WDR49: variants seen among roughly 807,000 people sequenced by gnomAD.
The protein encoded by WDR49 is cilia- and flagella-associated protein 337.
WDR49 carries 107 observed loss-of-function variants against 119.5 expected under a neutral mutation model. That is an observed-to-expected ratio of 0.90 (90% CI 0.77 to 1.05). The LOEUF (loss-of-function observed/expected upper bound fraction) is 1.05, where lower values mean the gene tolerates loss of function less well. WDR49 is among the 50% of genes least tolerant of loss of function. WDR49 has a pLI of 0.00. For synonymous variants in WDR49, 425 were observed against 418.8 expected (o/e 1.01, Z -0.18); for missense variants, 1,240 against 1,220.5 (o/e 1.02, Z -0.24).
At chr3:167,550,792 A>G (rs182094890) in intron 10 of WDR49, among the ~76,000 whole-genome samples, 24 of 148,254 alleles carry the variant, frequency 1.6e-4, no homozygotes, top group African/African-American at 5.7e-4. Context: ...AGAGAGAGAG[A>G]GAGAGAGCTT....
At chr3:167,620,753 A>ATTGTTCTGTTTTTTAGTAT in intron 4 of WDR49, 150 bp from the exon 5 acceptor site, 1 of 726,016 alleles carries the variant, frequency 1.4e-6, no homozygotes. Context: ...TATACTAAAA[A>ATTGTTCTGTTTTTTAGTAT]ACAGAACAAT....
chr3:167,511,770 C>A (rs543383952), intron 16 of WDR49, among the ~76,000 whole-genome samples: 2 of 152,306 alleles, frequency 1.3e-5, no homozygotes, highest in African/African-American at 4.8e-5. Flanking sequence ...TTTTCCCCTG[C>A]CGGTGTTGGG....
At chr3:167,654,033 T>C (rs1718507035), upstream of WDR49, 1 of 152,180 alleles carries the variant, frequency 6.6e-6, no homozygotes, top group Non-Finnish European at 1.5e-5. Context: ...ACTAAAACTT[T>C]CCCTTTCACT....
At chr3:167,626,784 C>T (rs918728554) in intron 3 of WDR49, 68 bp downstream of exon 3, 3 of 1,174,082 alleles carry the variant, frequency 2.6e-6, no homozygotes, top group Non-Finnish European at 3.2e-6. Flanking sequence ...TTACTGCTAG[C>T]CAGGAGCCCT....
Position 167,566,871 on chromosome 3 carries a change from C to T in WDR49, c.1510-6643G>A, listed in dbSNP as rs139017030. Reference sequence around the variant, plus strand: ...GTCAATTATCATAAGGGTCTTCATTCGTGTCGTCTTCACATTGAGAAGGCT... The same window carrying T: ...GTCAATTATCATAAGGGTCTTCATTTGTGTCGTCTTCACATTGAGAAGGCT... On this transcript the variant is annotated intron_variant, in intron 8 of 18. Coordinates refer to ENST00000682715, the MANE Select transcript of WDR49 (RefSeq NM_001366157.1). 149 of 683,958 alleles carry T rather than the reference C, an allele frequency of 2.2e-4. 1 individual carries two copies. Among genetic ancestry groups the T allele is most frequent in the African/African-American group, 2.0e-3 (114 of 56,596 alleles). The allele number at this position is 683,958 out of a possible 1,614,324, so 42.4% of individuals were successfully genotyped here. A position where few individuals can be genotyped will look rare whatever the true frequency, so the allele number is the denominator to read the frequency against.
Position 167,626,838 on chromosome 3 carries a change from T to TAA in WDR49, c.606+12_606+13dup, listed in dbSNP as rs1717149603. ...CTTTTACAAGCAGTACATTTTTTTA[T>TAA]AAAGAGTCTGTACCTTGTTTACATT... On this transcript the variant is annotated intron_variant, in intron 3 of 18. Transcript: ENST00000682715. 3 of 1,234,848 alleles carry TAA rather than the reference T, an allele frequency of 2.4e-6. No individual in the cohort carries two copies. The highest frequency in any genetic ancestry group is 3.0e-6 in the Non-Finnish European group (3 of 988,302). The allele number at this position is 1,234,848 out of a possible 1,614,324, so 76.5% of individuals were successfully genotyped here.
chr3:167,618,544 G>T (rs1461024991), intron 5 of WDR49, among the ~76,000 whole-genome samples: 1 of 152,000 alleles, frequency 6.6e-6, no homozygotes, highest in African/African-American at 2.4e-5. Flanking sequence ...AAAGAACTGA[G>T]AAATATATAA....
At chr3:167,622,384 A>T (rs1026518235) in intron 3 of WDR49, among the ~76,000 whole-genome samples, 3 of 152,066 alleles carry the variant, frequency 2.0e-5, no homozygotes, top group Non-Finnish European at 2.9e-5. Context: ...AAAAGAAAAA[A>T]AGAAAGAAAG....
At chr3:167,611,749 C>A (rs537423414) in intron 5 of WDR49, among the ~76,000 whole-genome samples, 1 of 152,116 alleles carries the variant, frequency 6.6e-6, no homozygotes, top group East Asian at 1.9e-4. Context: ...AGAACATCAC[C>A]ATGTAATGAT....
intron 2 of WDR49, among the ~76,000 whole-genome samples, chr3:167,650,418 C>T (rs1455761179): frequency 6.6e-6 from 1 of 152,180 alleles, no homozygotes; most frequent in East Asian, 1.9e-4. Context: ...TGATATATGG[C>T]TCTTTTGACA....
chr3:167,582,926 G>A (rs766226097), intron 7 of WDR49, among the ~76,000 whole-genome samples: 66 of 151,746 alleles, frequency 4.3e-4, no homozygotes, highest in Non-Finnish European at 7.4e-4. Flanking sequence ...CTGGGCAATA[G>A]AGCAAGACTT....
Position 167,500,290 on chromosome 3 carries a change from C to G in WDR49, c.2894G>C (p.Arg965Thr), listed in dbSNP as rs1052017894. The G allele has an allele frequency of 1.4e-5, 22 of 1,604,376 alleles. 1 individual carries two copies. The Admixed American group carries it at 2.4e-4, about 18-fold the overall frequency. Residue 965 changes from arginine (R) to threonine (T), a missense_variant, in exon 18 of 19, where the codon AGG (arginine) becomes ACG (threonine). By Grantham distance (71) the Arg-to-Thr change is moderately conservative (BLOSUM62 -1). Coordinates refer to ENST00000682715, the MANE Select transcript of WDR49 (RefSeq NM_001366157.1). ...TTCCAGGGCTCCAATGTTTAATGAC[C>G]TAAATGTACCTTCACAACAGCAGGT... is the stretch of plus-strand genomic sequence containing the variant. Reference protein sequence around the residue: ...EVIKKSFSTFRSLNIGALEEL... With the variant: ...EVIKKSFSTFTSLNIGALEEL...
Position 167,478,817 on chromosome 3 carries a change from G to C in WDR49, c.*61C>G, listed in dbSNP as rs1750575550. ...AAATAAAATAAAAGGCAGAATTCTTGATGCTTTTTCTGCATTTTATATCTG... is the reference window on the plus strand; with the variant it reads ...AAATAAAATAAAAGGCAGAATTCTTCATGCTTTTTCTGCATTTTATATCTG... On this transcript the variant is annotated 3_prime_UTR_variant, in exon 19 of 19. Coordinates refer to ENST00000682715, the MANE Select transcript of WDR49 (RefSeq NM_001366157.1). 8.6e-7 allele frequency: 1 copy of C among 1,166,302 alleles called. No individual in the cohort carries two copies. The highest frequency in any genetic ancestry group is 2.5e-5 in the East Asian group (1 of 39,650). 72.2% of individuals were successfully genotyped at this position (1,166,302 alleles called of 1,614,324 possible). A position where few individuals can be genotyped will look rare whatever the true frequency, so the allele number is the denominator to read the frequency against.
intron 16 of WDR49, among the ~76,000 whole-genome samples, chr3:167,518,481 C>T (rs1752303996): frequency 6.6e-6 from 1 of 152,002 alleles, no homozygotes; most frequent in Admixed American, 6.6e-5. Context: ...TCTCTGATGG[C>T]CAGTGATGAT....
intron 15 of WDR49, among the ~76,000 whole-genome samples, chr3:167,522,868 C>T (rs772551080): frequency 5.9e-5 from 9 of 152,216 alleles, no homozygotes; most frequent in South Asian, 4.1e-4. Flanking sequence ...ACTTTATTTG[C>T]GTGTTACCTC....
intron 7 of WDR49, among the ~76,000 whole-genome samples, chr3:167,586,147 A>G (rs1057310481): frequency 6.6e-6 from 1 of 152,184 alleles, no homozygotes; most frequent in African/African-American, 2.4e-5. Flanking sequence ...TTAAGCCACA[A>G]ACTGATTTGC....
At chr3:167,532,820 C>G (rs1752896275) in intron 12 of WDR49, 59 bp downstream of exon 12, 2 of 1,269,498 alleles carry the variant, frequency 1.6e-6, no homozygotes, top group Non-Finnish European at 2.2e-6. Flanking sequence ...CATGCATGAA[C>G]AACCAGGCCT....
chr3:167,575,377 C>T (rs1714195706), intron 8 of WDR49: 1 of 771,424 alleles, frequency 1.3e-6, no homozygotes, highest in Non-Finnish European at 1.6e-6. Context: ...GGCTGCGGAG[C>T]GTCATTAAAC....
rs1212364019 is a variant in WDR49, at chr3:167,593,843, G to A, written c.1275+8284C>T. 5.3e-5 allele frequency among the ~76,000 whole-genome samples: 8 copies of A among 152,224 alleles called. No individual in the cohort carries two copies. In the East Asian group the frequency reaches 1.5e-3, roughly 29 times the overall value. ...AGTTGTAGGTGACTGGATCATGGGG[G>A]AGGTTCCCCCATGCTGTTCTCATGA... On this transcript the variant is annotated intron_variant, in intron 7 of 18. Transcript: ENST00000682715.
Sources: allele counts gnomAD v4.1 joint callset (sites outside exome capture counted in the v4.1 genomes callset), GRCh38; gene constraint gnomAD v4.1.1; transcripts MANE v1.5; gene names NCBI Gene and HGNC (gene_info 2026-07-23, HGNC 2026-07-21).